Variants in MAP2K2 observed in about 807,000 individuals in gnomAD.
MAP2K2 encodes the protein mitogen-activated protein kinase kinase 2.
A neutral mutation model predicts 43.7 loss-of-function variants in MAP2K2; 24 were observed. The observed-to-expected ratio is 0.55, with a 90% CI of 0.40 to 0.77. The LOEUF (loss-of-function observed/expected upper bound fraction) is 0.77, where lower values mean the gene tolerates loss of function less well. Ranked by LOEUF, MAP2K2 falls within the 30% of genes least tolerant of loss-of-function variation. The pLI is 0.00. For missense variants in MAP2K2, 470 were observed against 566.8 expected, an observed-to-expected ratio of 0.83 and a Z score of 1.73; for synonymous variants, 244 against 239.7, an observed-to-expected ratio of 1.02 and a Z score of -0.17.
intron 2 of MAP2K2, among the ~76,000 whole-genome samples, chr19:4,111,229 T>C (rs147266667): frequency 2.0e-4 from 31 of 152,272 alleles, no homozygotes; most frequent in African/African-American, 7.2e-4. Flanking sequence ...ATGCCGTGAA[T>C]ATCCTACAAT....
chr19:4,095,599 G>C lies in MAP2K2; in HGVS notation c.985-150C>G, dbSNP rs16992199. 6.3e-3 allele frequency: 3,771 copies of C among 599,550 alleles called. 110 individuals are homozygous for C. The African/African-American group carries it at 0.064, about 10-fold the overall frequency. The allele number at this position is 599,550 out of a possible 1,614,324, so 37.1% of individuals were successfully genotyped here. Reference sequence around the variant, plus strand: ...CCAACTGGGCTGCACCCTGTCAGAGGTGGCCTTCTCCCGAAAGCTCTCGTT... The same window carrying C: ...CCAACTGGGCTGCACCCTGTCAGAGCTGGCCTTCTCCCGAAAGCTCTCGTT... On this transcript the variant is annotated intron_variant, in intron 8 of 10. Transcript: ENST00000262948.
At chr19:4,113,536 G>A (rs529162523) in intron 2 of MAP2K2, among the ~76,000 whole-genome samples, 2 of 152,260 alleles carry the variant, frequency 1.3e-5, no homozygotes, top group East Asian at 3.9e-4. Context: ...GCTCAGGTTC[G>A]GAGCCTCGGA....
In MAP2K2 at chr19:4,101,712, C is replaced by T. The variant is rs1036592380; in HGVS notation, c.529-432G>A. Among the ~76,000 whole-genome samples the T allele has an allele frequency of 1.3e-5, 2 of 152,144 alleles. No homozygotes were observed. The highest frequency in any genetic ancestry group is 4.8e-5 in the African/African-American group (2 of 41,414). On this transcript the variant is annotated intron_variant, in intron 4 of 10. Coordinates refer to ENST00000262948, the MANE Select transcript of MAP2K2 (RefSeq NM_030662.4). This position sits in a 1 kb window ranked among gnomAD's most constrained non-coding sequence, Gnocchi z 6.3. Reference sequence around the variant, plus strand: ...AGGGTGCCTGGGAAGGACGATGTTTCCCCCAGGCCCGCCCTGGAAGCAGCA... The same window carrying T: ...AGGGTGCCTGGGAAGGACGATGTTTTCCCCAGGCCCGCCCTGGAAGCAGCA...
intron 3 of MAP2K2, among the ~76,000 whole-genome samples, chr19:4,104,291 C>G (rs1040593065): frequency 2.1e-5 from 3 of 145,628 alleles, no homozygotes; most frequent in Non-Finnish European, 3.0e-5. Context: ...AAAAGCCGCA[C>G]GTGGTGGCGC....
chr19:4,101,457 C>T lies in MAP2K2; in HGVS notation c.529-177G>A, dbSNP rs1458517637. The stretch of plus-strand genomic sequence containing the variant: ...AAGCGAGGCCAGAGACGAGACAGTG[C>T]TGACAGCCCTGTGCTGGCGTGTGCA... On this transcript the variant is annotated intron_variant, in intron 4 of 10. Transcript: ENST00000262948. The surrounding 1 kb of genome is among the most constrained non-coding windows in gnomAD (Gnocchi z 6.3). Among the ~76,000 whole-genome samples, 1 of 152,174 alleles carries T rather than the reference C, an allele frequency of 6.6e-6. No homozygotes were observed. Among genetic ancestry groups the T allele is most frequent in the Non-Finnish European group, 1.5e-5 (1 of 68,006 alleles).
At chr19:4,093,931 G>A (rs1175060172) in intron 10 of MAP2K2, among the ~76,000 whole-genome samples, 1 of 152,174 alleles carries the variant, frequency 6.6e-6, no homozygotes, top group Non-Finnish European at 1.5e-5. Context: ...GATGCCCGGG[G>A]CCCTCCTCTG....
At chr19:4,123,429 T>A (rs369093701) in intron 1 of MAP2K2, among the ~76,000 whole-genome samples, 13 of 151,280 alleles carry the variant, frequency 8.6e-5, no homozygotes, top group African/African-American at 3.2e-4. Flanking sequence ...AGACTCCCGT[T>A]ATCCCAATTC....
At chr19:4,099,117 G>A (rs775266697) in intron 7 of MAP2K2, 84 bp downstream of exon 7, 80 of 1,195,206 alleles carry the variant, frequency 6.7e-5, no homozygotes, top group Non-Finnish European at 9.2e-5. Context: ...AGGGGCAGAG[G>A]GGAGGCAGCT....
intron 2 of MAP2K2, among the ~76,000 whole-genome samples, chr19:4,112,219 G>A (rs1199233810): frequency 3.9e-5 from 6 of 152,248 alleles, no homozygotes; most frequent in African/African-American, 7.2e-5. Context: ...GGCCAAGCAC[G>A]GAGACAGCTC....
At chr19:4,094,920 T>G (rs1460447519) in intron 9 of MAP2K2, 1 of 368,044 alleles carries the variant, frequency 2.7e-6, no homozygotes, top group East Asian at 4.5e-5. Flanking sequence ...ACCGGCCCTG[T>G]GGGCAGCGGG....
intron 2 of MAP2K2, among the ~76,000 whole-genome samples, chr19:4,113,720 G>A (rs2041184524): frequency 6.6e-6 from 1 of 152,192 alleles, no homozygotes; most frequent in Non-Finnish European, 1.5e-5. Flanking sequence ...GCTCGGAGGT[G>A]GAGACGGTTG....
At chr19:4,108,809 C>T (rs1373970405) in intron 3 of MAP2K2, among the ~76,000 whole-genome samples, 4 of 152,068 alleles carry the variant, frequency 2.6e-5, no homozygotes, top group African/African-American at 9.7e-5. Context: ...AGCGAGGGTG[C>T]CTGCCGGGCG....
intron 2 of MAP2K2, among the ~76,000 whole-genome samples, chr19:4,114,507 A>C (rs528323373): frequency 1.3e-5 from 2 of 152,212 alleles, no homozygotes; most frequent in Non-Finnish European, 2.9e-5. Context: ...GAGCATGGAC[A>C]ATTCAAAGAA....
At chr19:4,090,857 G>C in intron 10 of MAP2K2, 149 bp from the exon 11 acceptor site, 1 of 705,462 alleles carries the variant, frequency 1.4e-6, no homozygotes, top group Non-Finnish European at 2.6e-6. Context: ...ACGCACTCGG[G>C]GTAGGAGAGG....
chr19:4,095,601 G>A, intron 8 of MAP2K2, 152 bp from the exon 9 acceptor site: 1 of 595,558 alleles, frequency 1.7e-6, no homozygotes, highest in Non-Finnish European at 3.0e-6. Context: ...TGTCAGAGGT[G>A]GCCTTCTCCC....
At chr19:4,104,146 T>G (rs575894296) in intron 3 of MAP2K2, among the ~76,000 whole-genome samples, 1 of 151,322 alleles carries the variant, frequency 6.6e-6, no homozygotes, top group Non-Finnish European at 1.5e-5. Flanking sequence ...ATGCCTGTAA[T>G]CTCAGCTACT....
Position 4,095,525 on chromosome 19 carries a change from C to T in MAP2K2, c.985-76G>A, listed in dbSNP as rs41276854. 2.6e-3 allele frequency: 3,340 copies of T among 1,274,328 alleles called. 6 individuals are homozygous for T. Among genetic ancestry groups the T allele is most frequent in the Non-Finnish European group, 3.4e-3 (3,056 of 898,458 alleles). 78.9% of individuals were successfully genotyped at this position (1,274,328 alleles called of 1,614,324 possible). A position where few individuals can be genotyped will look rare whatever the true frequency, so the allele number is the denominator to read the frequency against. On this transcript the variant is annotated intron_variant, in intron 8 of 10. Coordinates refer to ENST00000262948, the MANE Select transcript of MAP2K2 (RefSeq NM_030662.4). The stretch of plus-strand genomic sequence containing the variant: ...CTCGGCTGCAGCCCTCTCTACCCCT[C>T]ACTGTCCTGTCCGGTCACCCACCCT...
rs1351763771 is a variant in MAP2K2 at position 4,101,166 on chromosome 19, G to T, written c.581-23C>A. 6.2e-7 allele frequency: 1 copy of T among 1,604,382 alleles called. No homozygotes were observed. On this transcript the variant is annotated intron_variant, in intron 5 of 10. Coordinates refer to ENST00000262948, the MANE Select transcript of MAP2K2 (RefSeq NM_030662.4). This position sits in a 1 kb window ranked among gnomAD's most constrained non-coding sequence, Gnocchi z 6.3. ...CATCTGGAGGCGGCAGGCTGCGGGT[G>T]AGGGGCGCCCAACAGTTGCCTGCCG...
At chr19:4,113,868 C>G (rs12104390) in intron 2 of MAP2K2, among the ~76,000 whole-genome samples, 1 of 152,112 alleles carries the variant, frequency 6.6e-6, no homozygotes, top group Non-Finnish European at 1.5e-5. Flanking sequence ...GCCGCCACCC[C>G]GCAGGCCTGG....
Sources: gnomAD v4.1 joint callset for allele counts (sites outside exome capture counted in the v4.1 genomes callset) on GRCh38, gnomAD v4.1.1 for gene constraint, Gnocchi (gnomAD v3.1) non-coding constraint, MANE v1.5 for transcripts, NCBI Gene and HGNC (gene_info 2026-07-23, HGNC 2026-07-21) for gene names.